ANTXR2: variants seen among roughly 807,000 people sequenced by gnomAD.
ANTXR2 encodes the protein ANTXR cell adhesion molecule 2.
ANTXR2 carries 44 observed loss-of-function variants against 73.7 expected under a neutral mutation model. That is an observed-to-expected ratio of 0.60 (90% CI 0.47 to 0.77). The LOEUF (loss-of-function observed/expected upper bound fraction) is 0.77. Ranked by LOEUF, ANTXR2 falls within the 30% of genes least tolerant of loss-of-function variation. ANTXR2 has a pLI of 0.00. For missense variants in ANTXR2, 604 were observed against 592.5 expected (o/e 1.02, Z -0.20); for synonymous variants, 217 against 205.9 (o/e 1.05, Z -0.46).
At chr4:79,952,821 AAT>A (rs1728754733) in intron 16 of ANTXR2, among the ~76,000 whole-genome samples, 1 of 151,522 alleles carries the variant, frequency 6.6e-6, no homozygotes, top group Admixed American at 6.6e-5. Flanking sequence ...TATTATTATT[AAT>A]AATAGTAATA....
intron 12 of ANTXR2, among the ~76,000 whole-genome samples, chr4:80,003,905 T>C (rs1478269202): frequency 2.0e-5 from 3 of 152,102 alleles, no homozygotes; most frequent in Non-Finnish European, 4.4e-5. Context: ...GAGTCACAGA[T>C]GGCATTTACC....
At chr4:80,008,640 C>G in intron 11 of ANTXR2, 24 bp from the exon 12 acceptor site, 1 of 1,514,988 alleles carries the variant, frequency 6.6e-7, no homozygotes, top group Non-Finnish European at 9.0e-7. Flanking sequence ...AAAGCAAAAA[C>G]AAAGCAGTCA....
chr4:80,065,194 A>G (rs977868001), intron 3 of ANTXR2, among the ~76,000 whole-genome samples: 1 of 152,214 alleles, frequency 6.6e-6, no homozygotes, highest in African/African-American at 2.4e-5. Flanking sequence ...TATTTAACAG[A>G]ACTGAGCTTA....
At chr4:80,037,561 T>C (rs1253212089) in intron 7 of ANTXR2, among the ~76,000 whole-genome samples, 4 of 152,148 alleles carry the variant, frequency 2.6e-5, no homozygotes, top group Non-Finnish European at 5.9e-5. Context: ...AGAGATTCCA[T>C]AGGCACTCAA....
rs927585691 is a variant in ANTXR2, at chr4:79,929,955, G to A, written c.1429-22488C>T. 3.9e-5 allele frequency among the ~76,000 whole-genome samples: 6 copies of A among 152,120 alleles called. No homozygotes were observed. In the East Asian group the frequency reaches 5.8e-4, roughly 15 times the overall value. On this transcript the variant is annotated intron_variant, in intron 16 of 16. Transcript: ENST00000403729. ...CATTTAATCATTACAACGGTCCTGT[G>A]ACAAGTACTATTATACTGAATTTAT...
At chr4:80,001,243 G>A (rs932455313) in intron 12 of ANTXR2, among the ~76,000 whole-genome samples, 3 of 151,480 alleles carry the variant, frequency 2.0e-5, no homozygotes, top group Non-Finnish European at 4.4e-5. Context: ...GTATACATGT[G>A]CCATGCTGGT....
chr4:79,920,700 G>A (rs1727560250), intron 16 of ANTXR2, among the ~76,000 whole-genome samples: 1 of 152,090 alleles, frequency 6.6e-6, no homozygotes, highest in African/African-American at 2.4e-5. Flanking sequence ...TCAAACAGAA[G>A]GCAGAGATCT....
At position 80,071,726 on chromosome 4, in the gene ANTXR2, C is replaced by T. The variant is rs1734796153; in HGVS notation, c.153-72G>A. 3.1e-6 allele frequency: 4 copies of T among 1,276,626 alleles called. No individual in the cohort carries two copies. The African/African-American group carries it at 5.9e-5, about 19-fold the overall frequency. 79.1% of individuals were successfully genotyped at this position (1,276,626 alleles called of 1,614,324 possible). A position where few individuals can be genotyped will look rare whatever the true frequency, so the allele number is the denominator to read the frequency against. On this transcript the variant is annotated intron_variant, in intron 1 of 16. Coordinates refer to ENST00000403729, the MANE Select transcript of ANTXR2 (RefSeq NM_058172.6). The stretch of plus-strand genomic sequence containing the variant: ...AAAAGTAAACATTTTGAAATGGTTC[C>T]TTCTTCAATGCCACGAACATAGGGG...
At chr4:79,930,508 A>G (rs537636773) in intron 16 of ANTXR2, among the ~76,000 whole-genome samples, 5 of 152,376 alleles carry the variant, frequency 3.3e-5, no homozygotes, top group Non-Finnish European at 7.3e-5. Context: ...TGCTGAAGAT[A>G]AAGTTTTATA....
intron 11 of ANTXR2, among the ~76,000 whole-genome samples, chr4:80,012,332 G>T: frequency 6.7e-6 from 1 of 148,492 alleles, no homozygotes; most frequent in Non-Finnish European, 1.5e-5. Flanking sequence ...ACCCCAGCAA[G>T]CTAATACCTT....
intron 16 of ANTXR2, among the ~76,000 whole-genome samples, chr4:79,945,673 A>G (rs1477815273): frequency 6.6e-6 from 1 of 152,114 alleles, no homozygotes; most frequent in African/African-American, 2.4e-5. Context: ...TTCATTTGAC[A>G]TCTTTCTCTA....
At chr4:80,018,232 G>T (rs1341483145) in intron 11 of ANTXR2, among the ~76,000 whole-genome samples, 12 of 152,090 alleles carry the variant, frequency 7.9e-5, no homozygotes, top group Admixed American at 7.9e-4. Flanking sequence ...CATGTGGTTG[G>T]TCCTGTTTAG....
chr4:79,951,342 G>A lies in ANTXR2; in HGVS notation c.1428+26279C>T, dbSNP rs183621054. 5.0e-3 allele frequency among the ~76,000 whole-genome samples: 760 copies of A among 152,214 alleles called. 5 individuals carry two copies. The highest frequency in any genetic ancestry group is 0.011 in the Admixed American group (170 of 15,286). Reference sequence around the variant, plus strand: ...TGCCTATAATCCCAGCACTTTGGGAGGCTGAGGGAAGGGGATTACTCATGG... The same window carrying A: ...TGCCTATAATCCCAGCACTTTGGGAAGCTGAGGGAAGGGGATTACTCATGG... On this transcript the variant is annotated intron_variant, in intron 16 of 16. Coordinates refer to ENST00000403729, the MANE Select transcript of ANTXR2 (RefSeq NM_058172.6).
At chr4:79,992,718 AT>A (rs1730531222) in intron 12 of ANTXR2, among the ~76,000 whole-genome samples, 2 of 152,214 alleles carry the variant, frequency 1.3e-5, no homozygotes, top group African/African-American at 4.8e-5. Context: ...GTCCAAAACA[AT>A]TAATGAAAAC....
At chr4:79,989,906 G>GA (rs558590147) in intron 12 of ANTXR2, among the ~76,000 whole-genome samples, 1 of 151,870 alleles carries the variant, frequency 6.6e-6, no homozygotes, top group Non-Finnish European at 1.5e-5. Context: ...AATAGACTCA[G>GA]AAAAAACTTT....
intron 12 of ANTXR2, among the ~76,000 whole-genome samples, chr4:79,990,383 C>CAAAAAAAAAAAAAAAAAAAAAAA (rs70944757): frequency 7.8e-5 from 6 of 76,930 alleles, no homozygotes; most frequent in Admixed American, 1.7e-4. Context: ...ACAACAGTTA[C>CAAAAAAAAAAAAAAAAAAAAAAA]AAAAAAAAAA....
intron 16 of ANTXR2, among the ~76,000 whole-genome samples, chr4:79,964,480 C>A (rs573661333): frequency 2.0e-5 from 3 of 152,142 alleles, no homozygotes; most frequent in African/African-American, 7.2e-5. Context: ...GTGGAGACTT[C>A]GATCTGTACC....
At chr4:79,962,452 G>A (rs1729181910) in intron 16 of ANTXR2, among the ~76,000 whole-genome samples, 1 of 152,028 alleles carries the variant, frequency 6.6e-6, no homozygotes. Flanking sequence ...GCCCTGAAAG[G>A]TAAAGGCCAA....
rs181795112 is a variant in ANTXR2, at chr4:80,002,648, T to C, written c.1041+5873A>G. 8.4e-3 allele frequency among the ~76,000 whole-genome samples: 1,271 copies of C among 151,920 alleles called. 19 individuals carry two copies. The highest frequency in any genetic ancestry group is 0.029 in the African/African-American group (1,212 of 41,478). ...AACCTACAAAATGGGAGAAAATTTTTGCAACCTACTCATCTGACAAAGGGC... is the reference window on the plus strand; with the variant it reads ...AACCTACAAAATGGGAGAAAATTTTCGCAACCTACTCATCTGACAAAGGGC... On this transcript the variant is annotated intron_variant, in intron 12 of 16. Coordinates refer to ENST00000403729, the MANE Select transcript of ANTXR2 (RefSeq NM_058172.6).
Sources: gnomAD v4.1 joint callset for allele counts (sites outside exome capture counted in the v4.1 genomes callset) on GRCh38, gnomAD v4.1.1 for gene constraint, MANE v1.5 for transcripts, NCBI Gene and HGNC (gene_info 2026-07-23, HGNC 2026-07-21) for gene names.